Variants in NRG3 observed in about 807,000 individuals in gnomAD.
The protein encoded by NRG3 is pro-neuregulin-3, membrane-bound isoform.
Under a neutral mutation model 66.9 loss-of-function variants are expected in NRG3, and 31 were observed. That is an observed-to-expected ratio of 0.46 (90% confidence interval 0.35 to 0.63). The LOEUF (loss-of-function observed/expected upper bound fraction) is 0.63, where lower values mean the gene tolerates loss of function less well. Among genes scored for constraint, NRG3 ranks in the 20% least tolerant of loss-of-function variants. The pLI, the probability that NRG3 is intolerant of heterozygous loss-of-function variation, is 0.00. For synonymous variants in NRG3, 393 were observed against 359.4 expected, an observed-to-expected ratio of 1.09 and a Z score of -1.06; for missense variants, 910 against 878.9, an observed-to-expected ratio of 1.04 and a Z score of -0.45.
At chr10:82,208,584 C>T (rs770416068) in intron 1 of NRG3, among the ~76,000 whole-genome samples, 2 of 151,734 alleles carry the variant, frequency 1.3e-5, no homozygotes, top group South Asian at 2.1e-4. Context: ...TTGAGGAGCT[C>T]TGTTCTTTGG....
At position 82,176,880 on chromosome 10, in the gene NRG3, G is replaced by GACACACACAC. The variant is rs142443398; in HGVS notation, c.824-181843_824-181834dup. 9.3e-3 allele frequency among the ~76,000 whole-genome samples: 1,360 copies of GACACACACAC among 146,222 alleles called. 15 individuals are homozygous for GACACACACAC. The highest frequency in any genetic ancestry group is 0.02 in the African/African-American group (802 of 39,336). On this transcript the variant is annotated intron_variant, in intron 1 of 8. Coordinates refer to ENST00000372141, the MANE Select transcript of NRG3 (RefSeq NM_001010848.4). ...CACAAAGCCTCGATTTTTAAAACAAGACACACACACACACACACACACACA... is the reference window on the plus strand; with the variant it reads ...CACAAAGCCTCGATTTTTAAAACAAGACACACACACACACACACACACACACACACACACA...
At chr10:81,997,846 C>T (rs11192115) in intron 1 of NRG3, among the ~76,000 whole-genome samples, 2 of 148,352 alleles carry the variant, frequency 1.3e-5, no homozygotes, top group Non-Finnish European at 1.5e-5. Context: ...GTCTGCCCCC[C>T]ACCCCCCACC....
At chr10:82,202,257 G>A (rs1234684708) in intron 1 of NRG3, among the ~76,000 whole-genome samples, 1 of 152,164 alleles carries the variant, frequency 6.6e-6, no homozygotes, top group African/African-American at 2.4e-5. Context: ...AGGTGTTGAA[G>A]CTTTGAGGAA....
chr10:82,271,194 A>G (rs902622069), intron 1 of NRG3, among the ~76,000 whole-genome samples: 4 of 152,068 alleles, frequency 2.6e-5, no homozygotes, highest in African/African-American at 9.7e-5. Flanking sequence ...GATAAAGAAA[A>G]TCAGAGGGTT....
rs533378231 is a variant in NRG3, at chr10:82,296,145, C to T, written c.824-62594C>T. 2.0e-5 allele frequency among the ~76,000 whole-genome samples: 3 copies of T among 152,228 alleles called. No homozygotes were observed. In the South Asian group the frequency reaches 6.2e-4, roughly 32 times the overall value. ...TGAGCATTTCAGGTGAAGAATATGACACGTGAAGCAGTCGTGTGTTTGAGA... is the reference window on the plus strand; with the variant it reads ...TGAGCATTTCAGGTGAAGAATATGATACGTGAAGCAGTCGTGTGTTTGAGA... On this transcript the variant is annotated intron_variant, in intron 1 of 8. Transcript: ENST00000372141.
At chr10:82,285,257 C>T (rs1259941886) in intron 1 of NRG3, among the ~76,000 whole-genome samples, 1 of 152,174 alleles carries the variant, frequency 6.6e-6, no homozygotes, top group African/African-American at 2.4e-5. Flanking sequence ...GCACCTGGGT[C>T]AGGGGGTGGA....
At chr10:82,931,875 T>C (rs549455847) in intron 4 of NRG3, among the ~76,000 whole-genome samples, 21 of 152,208 alleles carry the variant, frequency 1.4e-4, no homozygotes, top group Non-Finnish European at 2.5e-4. Flanking sequence ...CAATCTGGAG[T>C]TACAGCATGT....
intron 1 of NRG3, among the ~76,000 whole-genome samples, chr10:82,066,160 A>AT (rs1279199426): frequency 1.3e-5 from 2 of 152,056 alleles, no homozygotes; most frequent in African/African-American, 4.8e-5. Context: ...TAGTTTCTTT[A>AT]TTTTGCCTAA....
intron 1 of NRG3, among the ~76,000 whole-genome samples, chr10:82,266,923 G>C (rs2078329888): frequency 6.6e-6 from 1 of 152,130 alleles, no homozygotes. Context: ...CACAAATGAT[G>C]CTCCTGTTCT....
intron 2 of NRG3, among the ~76,000 whole-genome samples, chr10:82,528,723 G>A (rs1846961414): frequency 6.6e-6 from 1 of 151,990 alleles, no homozygotes; most frequent in Non-Finnish European, 1.5e-5. Context: ...TCTGAGCCAG[G>A]CAATTGCTAT....
At chr10:82,147,280 C>CT (rs1320877536) in intron 1 of NRG3, among the ~76,000 whole-genome samples, 1 of 152,132 alleles carries the variant, frequency 6.6e-6, no homozygotes, top group Non-Finnish European at 1.5e-5. Flanking sequence ...GGAACCACAG[C>CT]TATAAGTGGT....
chr10:82,123,584 G>A (rs2132398494), intron 1 of NRG3, among the ~76,000 whole-genome samples: 1 of 152,290 alleles, frequency 6.6e-6, no homozygotes, highest in East Asian at 1.9e-4. Flanking sequence ...TGTGTTCCTA[G>A]TGTTTGCCCT....
rs73307821 is a variant in NRG3 at position 82,485,729 on chromosome 10, A to T, written c.953+126861A>T. ...CCTATTTATACAAATACATTTATAGATGAGTATAGACATTTATAGTCTGAG... is the reference window on the plus strand; with the variant it reads ...CCTATTTATACAAATACATTTATAGTTGAGTATAGACATTTATAGTCTGAG... On this transcript the variant is annotated intron_variant, in intron 2 of 8. Coordinates refer to ENST00000372141, the MANE Select transcript of NRG3 (RefSeq NM_001010848.4). Among the ~76,000 whole-genome samples, 647 of 152,100 alleles carry T rather than the reference A, an allele frequency of 4.3e-3. 4 individuals are homozygous for T. The highest frequency in any genetic ancestry group is 0.015 in the African/African-American group (624 of 41,484).
intron 4 of NRG3, among the ~76,000 whole-genome samples, chr10:82,894,299 AT>A (rs1843440997): frequency 6.6e-6 from 1 of 152,260 alleles, no homozygotes; most frequent in African/African-American, 2.4e-5. Context: ...GGAGAAAAAA[AT>A]GATCATTTTG....
intron 1 of NRG3, among the ~76,000 whole-genome samples, chr10:81,891,758 T>A (rs762633136): frequency 6.6e-6 from 1 of 152,222 alleles, no homozygotes; most frequent in Non-Finnish European, 1.5e-5. Context: ...TCAGCTCTGC[T>A]CCTCAATTGT....
intron 2 of NRG3, among the ~76,000 whole-genome samples, chr10:82,651,845 T>A (rs1314616676): frequency 6.6e-6 from 1 of 152,182 alleles, no homozygotes; most frequent in Non-Finnish European, 1.5e-5. Context: ...TCAGTCCCAG[T>A]CAAGCCTTCA....
chr10:82,437,548 CATCT>C (rs1295255047), intron 2 of NRG3, among the ~76,000 whole-genome samples: 1 of 152,052 alleles, frequency 6.6e-6, no homozygotes, highest in Non-Finnish European at 1.5e-5. Flanking sequence ...TCAATTCATC[CATCT>C]GATTCTCTGT....
At chr10:82,374,646 G>T (rs1185751187) in intron 2 of NRG3, among the ~76,000 whole-genome samples, 1 of 152,076 alleles carries the variant, frequency 6.6e-6, no homozygotes, top group African/African-American at 2.4e-5. Flanking sequence ...GGGGCCTGGG[G>T]TTCTATGTTT....
intron 1 of NRG3, among the ~76,000 whole-genome samples, chr10:82,203,847 ATTCTGT>A (rs933371327): frequency 2.0e-5 from 3 of 152,188 alleles, no homozygotes; most frequent in East Asian, 1.9e-4. Context: ...GCCAACAGAA[ATTCTGT>A]TTTTAAAAAC....
Sources: gnomAD v4.1 joint callset for allele counts (sites outside exome capture counted in the v4.1 genomes callset) on GRCh38, gnomAD v4.1.1 for gene constraint, MANE v1.5 for transcripts, NCBI Gene and HGNC (gene_info 2026-07-23, HGNC 2026-07-21) for gene names.